The following DLEU7 variants were observed in gnomAD, a reference collection of about 807,000 sequenced individuals.
The protein encoded by DLEU7 is leukemia-associated protein 7.
DLEU7 carries 17 observed loss-of-function variants against 16.0 expected under a neutral mutation model. The observed-to-expected ratio is 1.06, with a 90% confidence interval of 0.73 to 1.59. The LOEUF (loss-of-function observed/expected upper bound fraction) is 1.59, where lower values mean the gene tolerates loss of function less well. Ranked by LOEUF, DLEU7 falls within the 40% of genes most tolerant of loss-of-function variation. DLEU7 has a pLI of 0.00. For missense variants in DLEU7, 308 were observed against 314.9 expected, an observed-to-expected ratio of 0.98 and a Z score of 0.17; for synonymous variants, 113 against 139.8, an observed-to-expected ratio of 0.81 and a Z score of 1.35.
At chr13:50,782,790 A>AG (rs201286809) in intron 1 of DLEU7, among the ~76,000 whole-genome samples, 9 of 148,392 alleles carry the variant, frequency 6.1e-5, no homozygotes, top group Non-Finnish European at 1.0e-4. Flanking sequence ...AAAAAAAAAA[A>AG]CTCTTCAGGA....
At chr13:50,791,117 A>C (rs994394594) in intron 1 of DLEU7, among the ~76,000 whole-genome samples, 1 of 152,140 alleles carries the variant, frequency 6.6e-6, no homozygotes, top group Non-Finnish European at 1.5e-5. Context: ...ACCATCATGC[A>C]TCCAACCTGT....
At chr13:50,785,033 C>T (rs927349548) in intron 1 of DLEU7, among the ~76,000 whole-genome samples, 1 of 152,134 alleles carries the variant, frequency 6.6e-6, no homozygotes, top group Non-Finnish European at 1.5e-5. Flanking sequence ...TTACGTCATG[C>T]CCTATGGAAG....
intron 1 of DLEU7, among the ~76,000 whole-genome samples, chr13:50,837,202 G>T (rs1877500630): frequency 6.6e-6 from 1 of 152,182 alleles, no homozygotes; most frequent in Admixed American, 6.5e-5. Flanking sequence ...TGATGCATTT[G>T]CTTTGGGTAC....
intron 1 of DLEU7, among the ~76,000 whole-genome samples, chr13:50,728,363 T>C (rs543435688): frequency 6.6e-6 from 1 of 152,368 alleles, no homozygotes; most frequent in Non-Finnish European, 1.5e-5. Flanking sequence ...ATAGGAGTTA[T>C]GTGCAAAAGG....
intron 1 of DLEU7, among the ~76,000 whole-genome samples, chr13:50,772,580 G>A (rs541187048): frequency 2.6e-5 from 4 of 152,170 alleles, no homozygotes; most frequent in Non-Finnish European, 5.9e-5. Context: ...CTTTAATAAT[G>A]TTGAATATTG....
At chr13:50,774,337 C>G (rs952112480) in intron 1 of DLEU7, among the ~76,000 whole-genome samples, 1 of 152,222 alleles carries the variant, frequency 6.6e-6, no homozygotes, top group Non-Finnish European at 1.5e-5. Flanking sequence ...AGAAATCACC[C>G]ATCTTCTTCA....
chr13:50,831,034 AT>A (rs1217715665), intron 1 of DLEU7, among the ~76,000 whole-genome samples: 2 of 141,082 alleles, frequency 1.4e-5, no homozygotes, highest in South Asian at 2.3e-4. Flanking sequence ...AGCTCTTTGT[AT>A]TTTTTAAGTG....
chr13:50,771,311 T>A (rs1875301728), intron 1 of DLEU7, among the ~76,000 whole-genome samples: 1 of 152,188 alleles, frequency 6.6e-6, no homozygotes, highest in South Asian at 2.1e-4. Flanking sequence ...TGCTAGATTT[T>A]GAATTTGTTT....
At chr13:50,827,579 A>G (rs1207051500) in intron 1 of DLEU7, among the ~76,000 whole-genome samples, 1 of 152,004 alleles carries the variant, frequency 6.6e-6, no homozygotes, top group African/African-American at 2.4e-5. Context: ...CCAGCTACTC[A>G]GGAGGCTGAG....
chr13:50,798,154 A>G (rs1593399657), intron 1 of DLEU7, among the ~76,000 whole-genome samples: 1 of 152,180 alleles, frequency 6.6e-6, no homozygotes, highest in South Asian at 2.1e-4. Context: ...TATTCACTCT[A>G]CCTGGCTCTG....
intron 1 of DLEU7, among the ~76,000 whole-genome samples, chr13:50,727,787 C>T (rs1314702734): frequency 6.6e-6 from 1 of 152,220 alleles, no homozygotes; most frequent in Non-Finnish European, 1.5e-5. Flanking sequence ...TCAAGATGTG[C>T]AGAGCTGCAC....
At chr13:50,769,869 C>T (rs1210145041) in intron 1 of DLEU7, among the ~76,000 whole-genome samples, 1 of 152,162 alleles carries the variant, frequency 6.6e-6, no homozygotes, top group East Asian at 1.9e-4. Flanking sequence ...CTATAAATTA[C>T]CTTGGGCAGT....
At chr13:50,741,900 G>A (rs987601139) in intron 1 of DLEU7, among the ~76,000 whole-genome samples, 1 of 152,108 alleles carries the variant, frequency 6.6e-6, no homozygotes, top group Non-Finnish European at 1.5e-5. Flanking sequence ...CACAGTACGT[G>A]CAAATTGTCA....
At chr13:50,770,889 G>A (rs538523384) in intron 1 of DLEU7, among the ~76,000 whole-genome samples, 15 of 152,270 alleles carry the variant, frequency 9.9e-5, no homozygotes, top group African/African-American at 2.2e-4. Flanking sequence ...CTGTGAATCC[G>A]TCTGGTCCTG....
chr13:50,814,000 A>C (rs961647753), intron 1 of DLEU7, among the ~76,000 whole-genome samples: 9 of 152,146 alleles, frequency 5.9e-5, no homozygotes, highest in African/African-American at 1.9e-4. Context: ...ATAGACGTTC[A>C]TTCTGTCAGA....
chr13:50,834,313 C>G (rs7997741), intron 1 of DLEU7, among the ~76,000 whole-genome samples: 85,918 of 151,758 alleles, frequency 0.57, 24,613 homozygotes, highest in African/African-American at 0.66. Flanking sequence ...CTAATATCCA[C>G]AATCTACAAG....
At chr13:50,802,584 T>C (rs560752759) in intron 1 of DLEU7, among the ~76,000 whole-genome samples, 1 of 152,256 alleles carries the variant, frequency 6.6e-6, no homozygotes, top group South Asian at 2.1e-4. Context: ...TTCTCCATGG[T>C]TGTTCTTGTT....
At chr13:50,731,168 A>G (rs1334114550) in intron 1 of DLEU7, among the ~76,000 whole-genome samples, 1 of 152,184 alleles carries the variant, frequency 6.6e-6, no homozygotes, top group Non-Finnish European at 1.5e-5. Context: ...CCAAGTAACC[A>G]ATGGGAAACC....
At position 50,792,011 on chromosome 13, in the gene DLEU7, C is replaced by A. The variant is rs181290011; in HGVS notation, c.459+51177G>T. Among the ~76,000 whole-genome samples, 6 of 152,252 alleles carry A rather than the reference C, an allele frequency of 3.9e-5. 1 individual carries two copies. In the East Asian group the frequency reaches 1.2e-3, roughly 29 times the overall value. The stretch of plus-strand genomic sequence containing the variant: ...GGCAATCTCTTACATTTTTTTAGGA[C>A]TGTTGTCAAATCTGGGGAAAACTCT... On this transcript the variant is annotated intron_variant, in intron 1 of 1. Transcript: ENST00000400393.
Sources: allele counts gnomAD v4.1 joint callset (sites outside exome capture counted in the v4.1 genomes callset), GRCh38; gene constraint gnomAD v4.1.1; transcripts MANE v1.5; gene names NCBI Gene and HGNC (gene_info 2026-07-23, HGNC 2026-07-21).